Variants in CCDC18 observed in about 807,000 individuals in gnomAD.
The protein encoded by CCDC18 is coiled-coil domain containing 18.
Under a neutral mutation model 196.0 loss-of-function variants are expected in CCDC18, and 157 were observed. That is an observed-to-expected ratio of 0.80 (90% CI 0.70 to 0.91). The LOEUF (loss-of-function observed/expected upper bound fraction) is 0.91. Among genes scored for constraint, CCDC18 ranks in the 40% least tolerant of loss-of-function variants. The pLI is 0.00. For synonymous variants in CCDC18, 482 were observed against 529.2 expected, an observed-to-expected ratio of 0.91 and a Z score of 1.22; for missense variants, 1,465 against 1,611.6, an observed-to-expected ratio of 0.91 and a Z score of 1.56.
chr1:93,266,678 A>G (rs1664565228), intron 27 of CCDC18, among the ~76,000 whole-genome samples: 1 of 152,224 alleles, frequency 6.6e-6, no homozygotes, highest in African/African-American at 2.4e-5. Flanking sequence ...CTACACAAAT[A>G]AACTAGAAAA....
intron 11 of CCDC18, among the ~76,000 whole-genome samples, chr1:93,214,428 T>A (rs923041910): frequency 1.5e-4 from 23 of 152,234 alleles, no homozygotes; most frequent in African/African-American, 2.9e-4. Flanking sequence ...TTAAAAAAAA[T>A]TTTTACAATG....
At chr1:93,202,321 T>C (rs554603737) in intron 7 of CCDC18, among the ~76,000 whole-genome samples, 75 of 152,298 alleles carry the variant, frequency 4.9e-4, no homozygotes, top group Non-Finnish European at 9.3e-4. Context: ...AAAATGAAGA[T>C]AGATTATGTA....
rs766791088 is a variant in CCDC18 at position 93,278,493 on chromosome 1, G to C, written c.*16G>C. ...AAATGTGTAATTCAAAGAAGATACT[G>C]ATGTGTTGAAAAAATGGAATTTTTG... On this transcript the variant is annotated 3_prime_UTR_variant, in exon 29 of 29. Transcript: ENST00000690025. The C allele has an allele frequency of 3.1e-6, 4 of 1,280,820 alleles. No individual in the cohort carries two copies. Among genetic ancestry groups the C allele is most frequent in the Non-Finnish European group, 3.2e-6 (3 of 947,356 alleles). 79.3% of individuals were successfully genotyped at this position (1,280,820 alleles called of 1,614,324 possible).
intron 23 of CCDC18, among the ~76,000 whole-genome samples, chr1:93,248,097 C>T (rs1412924719): frequency 1.4e-5 from 2 of 147,920 alleles, no homozygotes; most frequent in Admixed American, 6.9e-5. Context: ...CTCACTGCAA[C>T]CTCCGCCTCC....
At chr1:93,259,498 T>A (rs928928736) in intron 26 of CCDC18, among the ~76,000 whole-genome samples, 1 of 152,200 alleles carries the variant, frequency 6.6e-6, no homozygotes, top group Non-Finnish European at 1.5e-5. Context: ...ATTACTTACG[T>A]TTAGTGCTAA....
intron 25 of CCDC18, among the ~76,000 whole-genome samples, chr1:93,257,079 A>C (rs967699563): frequency 6.6e-5 from 10 of 151,870 alleles, no homozygotes; most frequent in African/African-American, 2.4e-4. Flanking sequence ...TACAAAAAAC[A>C]AAATTAGCCA....
chr1:93,206,704 T>C (rs1325479056), intron 8 of CCDC18, among the ~76,000 whole-genome samples: 1 of 152,140 alleles, frequency 6.6e-6, no homozygotes, highest in Non-Finnish European at 1.5e-5. Context: ...GTAGAGCCAG[T>C]TTACTTTTTC....
Position 93,216,736 on chromosome 1 carries a change from AG to A in CCDC18, c.1822del (p.Glu608SerfsTer9). 1 of 1,536,222 alleles carries A rather than the reference AG, an allele frequency of 6.5e-7. No individual in the cohort carries two copies. The highest frequency in any genetic ancestry group is 8.9e-7 in the Non-Finnish European group (1 of 1,128,044). On this transcript the variant is annotated frameshift_variant, in exon 13 of 29. Coordinates refer to ENST00000690025, the MANE Select transcript of CCDC18 (RefSeq NM_001378204.1). LOFTEE classifies it high-confidence loss of function. ...SIAAKNAELE[Q>X]ELMEKNEKIR... is the part of the protein sequence containing the mutation. ...GCTGCAAAAAATGCAGAACTAGAACAGGAGCTTATGGTAAAACTTATCTTTG... is the reference window on the plus strand; with the variant it reads ...GCTGCAAAAAATGCAGAACTAGAACAGAGCTTATGGTAAAACTTATCTTTG...
chr1:93,268,197 T>C (rs1214364792), intron 27 of CCDC18, among the ~76,000 whole-genome samples: 1 of 152,184 alleles, frequency 6.6e-6, no homozygotes, highest in East Asian at 1.9e-4. Context: ...ATTTAATAAA[T>C]GGTGCTGGAA....
intron 27 of CCDC18, among the ~76,000 whole-genome samples, chr1:93,266,973 C>T (rs1304748823): frequency 1.3e-5 from 2 of 152,188 alleles, no homozygotes; most frequent in Non-Finnish European, 2.9e-5. Context: ...ATACCAAGGC[C>T]TGGCAGAGAC....
In CCDC18 at chr1:93,221,859, GAAATGAA is replaced by G. The variant is rs1217590164; in HGVS notation, c.2102_2108del (p.Met701ArgfsTer4). The G allele has an allele frequency of 1.3e-6, 2 of 1,595,108 alleles. No homozygotes were observed. Among genetic ancestry groups the G allele is most frequent in the East Asian group, 2.3e-5 (1 of 44,404 alleles). On this transcript the variant is annotated frameshift_variant and splice_region_variant, in exon 16 of 29. Coordinates refer to ENST00000690025, the MANE Select transcript of CCDC18 (RefSeq NM_001378204.1). LOFTEE classifies it high-confidence loss of function. ...CTTATACTTTTCTTACTGTTTTTAG[GAAATGAA>G]AAAGGAAAATATGAAGAAAGATGAA... is the stretch of plus-strand genomic sequence containing the variant.
At position 93,212,194 on chromosome 1, in the gene CCDC18, C is replaced by T. The variant is rs766214770; in HGVS notation, c.1428C>T (p.Asp476=). Residue 476 remains aspartate, a synonymous_variant, in exon 11 of 29, where the codon GAC becomes GAT. Coordinates refer to ENST00000690025, the MANE Select transcript of CCDC18 (RefSeq NM_001378204.1). ...CTCAGAGTCTTATTACTTGTAATGA[C>T]AGCCAAGAAAGTAGCAAATTAAGTA... The part of the protein sequence containing the change: ...QLSQSLITCN[D]SQESSKLSSL... The T allele has an allele frequency of 1.4e-5, 22 of 1,610,408 alleles. No homozygotes were observed. Among genetic ancestry groups the T allele is most frequent in the Non-Finnish European group, 1.8e-5 (21 of 1,178,704 alleles).
In CCDC18 at chr1:93,221,736, G is replaced by C; in HGVS notation, c.2090G>C (p.Ser697Thr). The change falls in exon 15 of 29, where the codon AGC (serine) becomes ACC (threonine). Residue 697 changes from serine (S) to threonine (T), a missense_variant. Physicochemically the swap from Ser to Thr is moderately conservative, Grantham distance 58. Coordinates refer to ENST00000690025, the MANE Select transcript of CCDC18 (RefSeq NM_001378204.1). ...TCACTAGATAGACTCTTGACGGAAA[G>C]CAAAGGGGTAAAATCATCCTTATAA... Reference protein sequence around the residue: ...LESLDRLLTESKGEMKKENMK... With the variant: ...LESLDRLLTETKGEMKKENMK... 1 of 1,597,516 alleles carries C rather than the reference G, an allele frequency of 6.3e-7. No individual in the cohort carries two copies. The highest frequency in any genetic ancestry group is 1.2e-5 in the South Asian group (1 of 86,722).
chr1:93,215,089 A>G (rs1404398353), intron 12 of CCDC18, 123 bp downstream of exon 12: 10 of 553,088 alleles, frequency 1.8e-5, no homozygotes, highest in Admixed American at 3.7e-5. Context: ...AAATGGTACC[A>G]CATAAGTTAT....
chr1:93,270,179 T>C (rs912051300), intron 27 of CCDC18, among the ~76,000 whole-genome samples, 168 bp from the exon 28 acceptor site: 2 of 152,158 alleles, frequency 1.3e-5, no homozygotes, highest in Admixed American at 1.3e-4. Flanking sequence ...AAAGTGAACC[T>C]ATCTTAAGTA....
At chr1:93,197,435 G>A (rs1317847016) in intron 6 of CCDC18, among the ~76,000 whole-genome samples, 3 of 151,958 alleles carry the variant, frequency 2.0e-5, no homozygotes, top group African/African-American at 7.2e-5. Flanking sequence ...TGAAAACTTA[G>A]ACTAAATAAA....
rs879094245 is a variant in CCDC18, at chr1:93,183,291, A to G, written c.-2-69A>G. 9.1e-6 allele frequency: 10 copies of G among 1,099,078 alleles called. No individual in the cohort carries two copies. The African/African-American group carries it at 1.6e-4, about 17-fold the overall frequency. The allele number at this position is 1,099,078 out of a possible 1,614,324, so 68.1% of individuals were successfully genotyped here. A position where few individuals can be genotyped will look rare whatever the true frequency, so the allele number is the denominator to read the frequency against. Reference sequence around the variant, plus strand: ...AAAACTAATGAGTTAAATTCTATTCATGTGAGTATTTTGACTGAAACTACA... The same window carrying G: ...AAAACTAATGAGTTAAATTCTATTCGTGTGAGTATTTTGACTGAAACTACA... On this transcript the variant is annotated intron_variant, in intron 1 of 28. Coordinates refer to ENST00000690025, the MANE Select transcript of CCDC18 (RefSeq NM_001378204.1).
intron 23 of CCDC18, among the ~76,000 whole-genome samples, chr1:93,248,009 C>CTTTTT (rs71586785): frequency 2.1e-3 from 148 of 69,764 alleles, no homozygotes; most frequent in Non-Finnish European, 2.4e-3. Context: ...TATTTTCCTT[C>CTTTTT]TTTTTTTTTT....
At chr1:93,237,168 C>T (rs912344554) in intron 19 of CCDC18, among the ~76,000 whole-genome samples, 1 of 152,174 alleles carries the variant, frequency 6.6e-6, no homozygotes, top group African/African-American at 2.4e-5. Flanking sequence ...AACTTGCTTC[C>T]TCAGATGTCT....
Sources: gnomAD v4.1 joint callset for allele counts (sites outside exome capture counted in the v4.1 genomes callset) on GRCh38, gnomAD v4.1.1 for gene constraint, MANE v1.5 for transcripts, NCBI Gene and HGNC (gene_info 2026-07-23, HGNC 2026-07-21) for gene names.